Variants in FAM184A observed in about 807,000 individuals in gnomAD.
FAM184A encodes protein FAM184A.
FAM184A carries 99 observed loss-of-function variants against 143.8 expected under a neutral mutation model. That is an observed-to-expected ratio of 0.69 (90% CI 0.58 to 0.81). The LOEUF (loss-of-function observed/expected upper bound fraction) is 0.81, where lower values mean the gene tolerates loss of function less well. Ranked by LOEUF, FAM184A falls within the 40% of genes least tolerant of loss-of-function variation. The pLI is 0.00. For synonymous variants in FAM184A, 427 were observed against 446.4 expected (o/e 0.96, Z 0.55); for missense variants, 1,217 against 1,310.5 (o/e 0.93, Z 1.10).
chr6:119,032,488 A>C (rs1210403467), intron 1 of FAM184A, among the ~76,000 whole-genome samples: 1 of 57,384 alleles, frequency 1.7e-5, no homozygotes. Context: ...GGGGTGGGGG[A>C]GGGGGAGAGG....
At chr6:118,960,693 T>G in intron 17 of FAM184A, 1 of 618,440 alleles carries the variant, frequency 1.6e-6, no homozygotes, top group Non-Finnish European at 2.6e-6. Context: ...CCGTTATTGA[T>G]GTTATATAGT....
At chr6:118,995,820 T>G (rs1222277525) in intron 9 of FAM184A, among the ~76,000 whole-genome samples, 5 of 152,218 alleles carry the variant, frequency 3.3e-5, no homozygotes, top group African/African-American at 4.8e-5. Flanking sequence ...GAGAAACAGA[T>G]TAAGTTGATT....
At chr6:119,075,056 C>T (rs1225376541) in intron 1 of FAM184A, among the ~76,000 whole-genome samples, 1 of 152,192 alleles carries the variant, frequency 6.6e-6, no homozygotes, top group Non-Finnish European at 1.5e-5. Context: ...TTGAGCTTTG[C>T]TATGGGCAAA....
At chr6:119,055,067 A>G (rs1336234944) in intron 1 of FAM184A, among the ~76,000 whole-genome samples, 1 of 151,648 alleles carries the variant, frequency 6.6e-6, no homozygotes, top group African/African-American at 2.4e-5. Context: ...TCTCCTCACA[A>G]CCCCTCTCAA....
rs769705223 is a variant in FAM184A, at chr6:119,078,097, G to A, written c.159+44C>T. 1.3e-6 allele frequency: 2 copies of A among 1,544,792 alleles called. No homozygotes were observed. The highest frequency in any genetic ancestry group is 2.5e-5 in the East Asian group (1 of 40,664). ...CCGGGGAGACAGGTGAGTCCGGCGC[G>A]GCCCGCACGGGGTCGCCACCTGCCC... On this transcript the variant is annotated intron_variant, in intron 1 of 17. Coordinates refer to ENST00000338891, the MANE Select transcript of FAM184A (RefSeq NM_024581.6). The surrounding 1 kb of genome is among the most constrained non-coding windows in gnomAD (Gnocchi z 5.5).
intron 1 of FAM184A, among the ~76,000 whole-genome samples, chr6:119,101,084 T>C (rs1788626548): frequency 7.1e-6 from 1 of 140,562 alleles, no homozygotes; most frequent in African/African-American, 2.6e-5. Flanking sequence ...TTTTTTTTTG[T>C]AGATGGAGTT....
At chr6:119,037,416 A>G (rs1008868288) in intron 1 of FAM184A, among the ~76,000 whole-genome samples, 1 of 152,126 alleles carries the variant, frequency 6.6e-6, no homozygotes, top group African/African-American at 2.4e-5. Flanking sequence ...ATCTATTGCC[A>G]CAGCCTCCTG....
intron 1 of FAM184A, among the ~76,000 whole-genome samples, chr6:119,070,832 C>G (rs536693866): frequency 6.6e-6 from 1 of 151,864 alleles, no homozygotes; most frequent in East Asian, 1.9e-4. Flanking sequence ...AATGGCGTTA[C>G]GAACTCCCGT....
chr6:119,019,453 A>G (rs541759185), intron 4 of FAM184A, among the ~76,000 whole-genome samples: 1 of 152,358 alleles, frequency 6.6e-6, no homozygotes, highest in Non-Finnish European at 1.5e-5. Context: ...GTTGAGGGAA[A>G]GAGAAAGAAA....
intron 1 of FAM184A, among the ~76,000 whole-genome samples, chr6:119,053,350 A>T (rs1216246807): frequency 6.6e-6 from 1 of 152,190 alleles, no homozygotes; most frequent in Non-Finnish European, 1.5e-5. Flanking sequence ...CCAGACAGTG[A>T]CCTGCTATTT....
At position 118,964,666 on chromosome 6, in the gene FAM184A, C is replaced by A; in HGVS notation, c.3138+1G>T. 6.4e-7 allele frequency: 1 copy of A among 1,557,184 alleles called. No homozygotes were observed. The highest frequency in any genetic ancestry group is 1.7e-5 in the Admixed American group (1 of 58,522). On this transcript the variant is annotated splice_donor_variant, in intron 16 of 17. Transcript: ENST00000338891. LOFTEE classifies it high-confidence loss of function. ...TATTCTACAGTGTTTACGGCACATA[C>A]CTTAGCCAATGGATTAATAACACCA... is the stretch of plus-strand genomic sequence containing the variant.
chr6:119,023,133 A>G (rs1030257158), intron 2 of FAM184A, 53 bp from the exon 3 acceptor site: 2 of 1,581,200 alleles, frequency 1.3e-6, no homozygotes, highest in Non-Finnish European at 1.7e-6. Context: ...ACTAAGCTAA[A>G]TAATTCATTT....
At chr6:119,136,780 G>T (rs1276755106) in intron 1 of FAM184A, among the ~76,000 whole-genome samples, 3 of 152,212 alleles carry the variant, frequency 2.0e-5, no homozygotes, top group Non-Finnish European at 4.4e-5. Flanking sequence ...TGTCTGGCCT[G>T]GTTTGGGCCA....
intron 4 of FAM184A, among the ~76,000 whole-genome samples, chr6:119,018,340 A>G (rs552315756): frequency 5.0e-4 from 76 of 152,350 alleles, no homozygotes; most frequent in African/African-American, 1.6e-3. Flanking sequence ...GAAATTAATG[A>G]TAAGAAAATG....
intron 1 of FAM184A, among the ~76,000 whole-genome samples, chr6:119,144,254 A>G (rs1772344854): frequency 6.6e-6 from 1 of 151,290 alleles, no homozygotes; most frequent in Non-Finnish European, 1.5e-5. Flanking sequence ...GAATGGCGTG[A>G]ACCTGGGAGG....
intron 1 of FAM184A, among the ~76,000 whole-genome samples, chr6:119,046,091 A>G (rs1347886658): frequency 4.6e-5 from 7 of 152,200 alleles, no homozygotes; most frequent in African/African-American, 1.7e-4. Context: ...TCTTTTTTCC[A>G]TATCTCACCT....
chr6:119,037,476 T>C (rs1046133578), intron 1 of FAM184A, among the ~76,000 whole-genome samples: 27 of 152,226 alleles, frequency 1.8e-4, no homozygotes, highest in African/African-American at 6.5e-4. Context: ...TTGATAATAG[T>C]TCATTGGTTT....
intron 10 of FAM184A, 74 bp from the exon 11 acceptor site, chr6:118,979,592 C>T: frequency 4.4e-6 from 5 of 1,124,114 alleles, no homozygotes; most frequent in Non-Finnish European, 6.2e-6. Context: ...AAAACAGTTA[C>T]TAAAACTCAG....
chr6:118,961,219 A>AT (rs1473783818), intron 17 of FAM184A, among the ~76,000 whole-genome samples: 3 of 151,930 alleles, frequency 2.0e-5, no homozygotes, highest in African/African-American at 7.2e-5. Context: ...AAGGTAAAAA[A>AT]TTGGAATGGA....
Sources: allele counts gnomAD v4.1 joint callset (sites outside exome capture counted in the v4.1 genomes callset), GRCh38; gene constraint gnomAD v4.1.1; non-coding constraint Gnocchi (gnomAD v3.1); transcripts MANE v1.5; gene names NCBI Gene and HGNC (gene_info 2026-07-23, HGNC 2026-07-21).